MEF2A: variants seen among roughly 807,000 people sequenced by gnomAD.
The protein encoded by MEF2A is myocyte enhancer factor 2A, also known as myocyte-specific enhancer factor 2A.
A neutral mutation model predicts 55.8 loss-of-function variants in MEF2A; 28 were observed. The ratio of observed to expected loss-of-function variants is 0.50; its 90% CI spans 0.37 to 0.69. MEF2A has a LOEUF of 0.69. Ranked by LOEUF, MEF2A falls within the 30% of genes least tolerant of loss-of-function variation. The pLI is 0.00. For missense variants in MEF2A, 528 were observed against 626.2 expected (o/e 0.84, Z 1.67); for synonymous variants, 239 against 227.1 (o/e 1.05, Z -0.47).
intron 2 of MEF2A, among the ~76,000 whole-genome samples, chr15:99,628,911 T>C (rs958161365): frequency 2.0e-5 from 3 of 152,068 alleles, no homozygotes; most frequent in Non-Finnish European, 4.4e-5. Flanking sequence ...GATAACAGAC[T>C]CTGTTTGTTT....
chr15:99,624,839 T>C (rs2041815874), intron 2 of MEF2A, among the ~76,000 whole-genome samples: 1 of 152,226 alleles, frequency 6.6e-6, no homozygotes, highest in South Asian at 2.1e-4. Context: ...TATTCTTTCA[T>C]CAGTGTTTTT....
intron 2 of MEF2A, among the ~76,000 whole-genome samples, chr15:99,611,455 G>T (rs915436873): frequency 6.6e-6 from 1 of 152,122 alleles, no homozygotes; most frequent in Non-Finnish European, 1.5e-5. Flanking sequence ...GGGAAATGCA[G>T]AATTAAAACC....
intron 1 of MEF2A, among the ~76,000 whole-genome samples, chr15:99,569,431 G>A (rs1961143181): frequency 6.6e-6 from 1 of 152,176 alleles, no homozygotes; most frequent in Admixed American, 6.5e-5. Flanking sequence ...TGCTTAATGT[G>A]TTTGTTTTGG....
At chr15:99,703,416 G>C in intron 9 of MEF2A, 31 bp downstream of exon 9, 1 of 1,584,984 alleles carries the variant, frequency 6.3e-7, no homozygotes, top group Non-Finnish European at 8.6e-7. Flanking sequence ...GAAGGAAGTT[G>C]AAAAAGATGT....
rs1024489042 is a variant in MEF2A at position 99,700,577 on chromosome 15, C to T, written c.859-2785C>T. Among the ~76,000 whole-genome samples the T allele has an allele frequency of 2.0e-5, 3 of 152,124 alleles. No homozygotes were observed. In the South Asian group the frequency reaches 6.2e-4, roughly 32 times the overall value. Reference sequence around the variant, plus strand: ...AGTATACATCATATATTTCCTAGCTCTGTTTGCTGAGAGGTCTGTGAGGCA... The same window carrying T: ...AGTATACATCATATATTTCCTAGCTTTGTTTGCTGAGAGGTCTGTGAGGCA... On this transcript the variant is annotated intron_variant, in intron 8 of 11. Transcript: ENST00000557942.
chr15:99,647,594 G>A (rs968705217), intron 4 of MEF2A, among the ~76,000 whole-genome samples: 1 of 152,140 alleles, frequency 6.6e-6, no homozygotes, highest in African/African-American at 2.4e-5. Flanking sequence ...CTTCATCTCT[G>A]TTGTGGACAG....
At chr15:99,701,134 A>G (rs1459632054) in intron 8 of MEF2A, among the ~76,000 whole-genome samples, 1 of 152,200 alleles carries the variant, frequency 6.6e-6, no homozygotes, top group Non-Finnish European at 1.5e-5. Flanking sequence ...TTTCTTACAA[A>G]GGGAAAAATT....
rs142701898 is a variant in MEF2A at position 99,582,663 on chromosome 15, G to A, written c.-224-15767G>A. On this transcript the variant is annotated intron_variant, in intron 1 of 11. Coordinates refer to ENST00000557942, the MANE Select transcript of MEF2A (RefSeq NM_001319206.4). ...TCAGGATTTTACGCTTTGCAAAGTC[G>A]CTATTCATCTAGCATTTGGACTGAG... is the stretch of plus-strand genomic sequence containing the variant. Among the ~76,000 whole-genome samples the A allele has an allele frequency of 7.9e-5, 12 of 152,130 alleles. No individual in the cohort carries two copies. In the South Asian group the frequency reaches 1.0e-3, roughly 13 times the overall value.
chr15:99,616,624 T>G (rs1298489494), intron 2 of MEF2A, among the ~76,000 whole-genome samples: 1 of 152,178 alleles, frequency 6.6e-6, no homozygotes, highest in Non-Finnish European at 1.5e-5. Context: ...TGGAATACTC[T>G]GTTTTCAGTA....
chr15:99,665,731 C>CAAAAAAA (rs752473261), intron 4 of MEF2A, among the ~76,000 whole-genome samples: 4 of 20,252 alleles, frequency 2.0e-4, no homozygotes, highest in African/African-American at 3.3e-4. Flanking sequence ...CTTAAATTTA[C>CAAAAAAA]AAAAAAAAAA....
At chr15:99,604,604 T>TG (rs1222319995) in intron 2 of MEF2A, among the ~76,000 whole-genome samples, 7 of 152,144 alleles carry the variant, frequency 4.6e-5, no homozygotes, top group African/African-American at 1.7e-4. Context: ...CTCTTCATAT[T>TG]GATTGACTTT....
intron 4 of MEF2A, among the ~76,000 whole-genome samples, chr15:99,670,604 C>T (rs1195502904): frequency 1.3e-5 from 2 of 150,328 alleles, no homozygotes; most frequent in African/African-American, 2.5e-5. Flanking sequence ...AACGAGACTC[C>T]GTCTCAAAAA....
At chr15:99,590,752 G>C (rs1301052001) in intron 1 of MEF2A, among the ~76,000 whole-genome samples, 1 of 151,596 alleles carries the variant, frequency 6.6e-6, no homozygotes, top group African/African-American at 2.4e-5. Context: ...CCTTACTGTA[G>C]TGCACTTCCA....
chr15:99,603,824 CTGTT>C (rs768583072), intron 2 of MEF2A, among the ~76,000 whole-genome samples: 5 of 152,202 alleles, frequency 3.3e-5, no homozygotes, highest in South Asian at 2.1e-4. Context: ...TTTTGATTTT[CTGTT>C]TGTTTCAATA....
chr15:99,691,812 CAAAT>C (rs1004199159), intron 8 of MEF2A, among the ~76,000 whole-genome samples: 4 of 152,180 alleles, frequency 2.6e-5, no homozygotes, highest in African/African-American at 9.7e-5. Flanking sequence ...TATTCCTTCT[CAAAT>C]AACCTATTTA....
chr15:99,580,783 C>T (rs1965702729), intron 1 of MEF2A, among the ~76,000 whole-genome samples: 1 of 152,168 alleles, frequency 6.6e-6, no homozygotes, highest in Admixed American at 6.5e-5. Context: ...AAGGTAACTT[C>T]TAAACTTGTG....
At chr15:99,708,822 A>G (rs1276925596) in intron 10 of MEF2A, among the ~76,000 whole-genome samples, 2 of 152,162 alleles carry the variant, frequency 1.3e-5, no homozygotes, top group African/African-American at 4.8e-5. Context: ...CAGGCAGAGG[A>G]GGCAGAGTGC....
At chr15:99,599,851 C>T (rs755966771) in intron 2 of MEF2A, among the ~76,000 whole-genome samples, 6 of 152,068 alleles carry the variant, frequency 3.9e-5, no homozygotes, top group Non-Finnish European at 7.4e-5. Context: ...ATACCCTATA[C>T]TTCAAAACAA....
At chr15:99,699,084 C>G (rs918034318) in intron 8 of MEF2A, among the ~76,000 whole-genome samples, 1 of 151,892 alleles carries the variant, frequency 6.6e-6, no homozygotes, top group East Asian at 1.9e-4. Context: ...AAAAAACTTG[C>G]TGTACAATCC....
Sources: allele counts gnomAD v4.1 joint callset (sites outside exome capture counted in the v4.1 genomes callset), GRCh38; gene constraint gnomAD v4.1.1; transcripts MANE v1.5; gene names NCBI Gene and HGNC (gene_info 2026-07-23, HGNC 2026-07-21).